Variants in ANKS1B observed in about 807,000 individuals in gnomAD.
ANKS1B encodes ankyrin repeat and sterile alpha motif domain-containing protein 1B.
Under a neutral mutation model 148.3 loss-of-function variants are expected in ANKS1B, and 36 were observed. The ratio of observed to expected loss-of-function variants is 0.24; its 90% CI spans 0.19 to 0.32. The LOEUF is 0.32. ANKS1B is among the 10% of genes least tolerant of loss of function. The probability of loss-of-function intolerance (pLI) is 1.00; values close to 1 mark genes in which losing one functional copy is unlikely to be tolerated. For missense variants in ANKS1B, 1,157 were observed against 1,542.6 expected (o/e 0.75, Z 4.19); for synonymous variants, 542 against 560.8 (o/e 0.97, Z 0.47).
At chr12:99,396,914 G>A (rs1009437715) in intron 12 of ANKS1B, among the ~76,000 whole-genome samples, 3 of 152,068 alleles carry the variant, frequency 2.0e-5, no homozygotes, top group Non-Finnish European at 4.4e-5. Flanking sequence ...AAGTATCAAA[G>A]CATCTGTCAT....
At chr12:99,844,192 G>T (rs889825095) in intron 1 of ANKS1B, among the ~76,000 whole-genome samples, 1 of 152,068 alleles carries the variant, frequency 6.6e-6, no homozygotes, top group Non-Finnish European at 1.5e-5. Context: ...CATTTTGAAG[G>T]TTGTCTGTTC....
chr12:99,832,940 C>T (rs1488059906), intron 1 of ANKS1B, among the ~76,000 whole-genome samples: 1 of 152,030 alleles, frequency 6.6e-6, no homozygotes, highest in African/African-American at 2.4e-5. Flanking sequence ...AAGTGAAAAA[C>T]GTAAATTGCA....
chr12:98,919,480 T>C (rs2099798582), intron 17 of ANKS1B, among the ~76,000 whole-genome samples: 1 of 152,164 alleles, frequency 6.6e-6, no homozygotes, highest in African/African-American at 2.4e-5. Context: ...GAAATTATGG[T>C]CACTGAATAA....
intron 8 of ANKS1B, among the ~76,000 whole-genome samples, chr12:99,732,109 C>T (rs1327448712): frequency 6.6e-6 from 1 of 152,110 alleles, no homozygotes; most frequent in African/African-American, 2.4e-5. Flanking sequence ...CATAGGATTG[C>T]ACTATTTACC....
intron 20 of ANKS1B, among the ~76,000 whole-genome samples, chr12:98,806,962 T>A (rs780377174): frequency 3.3e-4 from 50 of 152,100 alleles, no homozygotes; most frequent in Non-Finnish European, 5.1e-4. Flanking sequence ...TGATGCAGCA[T>A]CCCAAAAGGC....
Position 99,908,778 on chromosome 12 carries a change from A to G in ANKS1B, c.134+75326T>C, listed in dbSNP as rs559650749. Among the ~76,000 whole-genome samples, 14 of 152,322 alleles carry G rather than the reference A, an allele frequency of 9.2e-5. No individual in the cohort carries two copies. The South Asian group carries it at 2.9e-3, about 32-fold the overall frequency. ...GGTATACAACATGATGTTTTGTTAT[A>G]CATATACATAGTGAAATCATTATCA... is the stretch of plus-strand genomic sequence containing the variant. On this transcript the variant is annotated intron_variant, in intron 1 of 26. Coordinates refer to ENST00000683438, the MANE Select transcript of ANKS1B (RefSeq NM_001352186.2).
At chr12:99,314,446 C>T (rs1051294937) in intron 12 of ANKS1B, among the ~76,000 whole-genome samples, 31 of 152,114 alleles carry the variant, frequency 2.0e-4, no homozygotes, top group Non-Finnish European at 2.9e-4. Flanking sequence ...TCAAAGAAGA[C>T]CCCATATATC....
At chr12:99,646,386 C>T (rs979084927) in intron 9 of ANKS1B, among the ~76,000 whole-genome samples, 2 of 152,064 alleles carry the variant, frequency 1.3e-5, no homozygotes, top group Non-Finnish European at 1.5e-5. Context: ...GGGCTGGGCA[C>T]GGTGGCTCAC....
intron 15 of ANKS1B, among the ~76,000 whole-genome samples, chr12:99,125,789 G>A (rs890705536): frequency 6.6e-6 from 1 of 151,980 alleles, no homozygotes; most frequent in Non-Finnish European, 1.5e-5. Context: ...TAGCGTGGGT[G>A]GATAAGAAGA....
intron 10 of ANKS1B, among the ~76,000 whole-genome samples, chr12:99,481,817 T>C (rs548591944): frequency 6.6e-6 from 1 of 152,090 alleles, no homozygotes; most frequent in East Asian, 1.9e-4. Flanking sequence ...TATTTGTATA[T>C]CTCCTTTTGA....
intron 11 of ANKS1B, among the ~76,000 whole-genome samples, chr12:99,405,698 A>G (rs1166874551): frequency 1.4e-5 from 2 of 144,606 alleles, no homozygotes; most frequent in Admixed American, 1.4e-4. Context: ...TAATATCAAT[A>G]ATATTGAATA....
chr12:98,749,121 C>T (rs941809868), intron 26 of ANKS1B, among the ~76,000 whole-genome samples: 6 of 151,682 alleles, frequency 4.0e-5, no homozygotes, highest in Non-Finnish European at 5.9e-5. Context: ...TTTTTTGAGA[C>T]GGAGTCCTGC....
At chr12:98,779,984 T>C (rs965409587) in intron 24 of ANKS1B, among the ~76,000 whole-genome samples, 8 of 152,280 alleles carry the variant, frequency 5.3e-5, no homozygotes, top group Admixed American at 5.2e-4. Flanking sequence ...GGAACTTGGG[T>C]TTACCTAACT....
At chr12:99,378,266 T>C (rs1000457507) in intron 12 of ANKS1B, among the ~76,000 whole-genome samples, 4 of 152,160 alleles carry the variant, frequency 2.6e-5, no homozygotes, top group African/African-American at 9.7e-5. Context: ...TAAAGAGATT[T>C]GTGACTGTGG....
chr12:99,154,277 A>G lies in ANKS1B; in HGVS notation c.2526+12T>C. ...ACAAAAGGCAGCTCCGTGGACACAG[A>G]GAGCTTCTTACCATAAACTGCACAT... On this transcript the variant is annotated intron_variant, in intron 15 of 26. Coordinates refer to ENST00000683438, the MANE Select transcript of ANKS1B (RefSeq NM_001352186.2). 6.2e-7 allele frequency: 1 copy of G among 1,613,388 alleles called. No homozygotes were observed. Among genetic ancestry groups the G allele is most frequent in the Non-Finnish European group, 8.5e-7 (1 of 1,179,498 alleles).
intron 10 of ANKS1B, among the ~76,000 whole-genome samples, chr12:99,493,693 G>C (rs780537809): frequency 6.6e-6 from 1 of 152,178 alleles, no homozygotes; most frequent in Non-Finnish European, 1.5e-5. Context: ...CATTTACTGA[G>C]ATGAGAAATT....
At chr12:99,012,846 G>A (rs2099940244) in intron 17 of ANKS1B, among the ~76,000 whole-genome samples, 1 of 152,136 alleles carries the variant, frequency 6.6e-6, no homozygotes, top group Non-Finnish European at 1.5e-5. Flanking sequence ...TTGAGACTCT[G>A]TTAAGTATCA....
intron 17 of ANKS1B, among the ~76,000 whole-genome samples, chr12:98,978,481 TGTGTGTGTGTGC>T (rs1186286781): frequency 2.0e-5 from 3 of 151,992 alleles, no homozygotes; most frequent in African/African-American, 7.2e-5. Context: ...ATGTGCAAAC[TGTGTGTGTGTGC>T]GTGTGTGTGT....
chr12:99,528,572 A>C (rs1251478560), intron 9 of ANKS1B, among the ~76,000 whole-genome samples: 1 of 152,192 alleles, frequency 6.6e-6, no homozygotes, highest in African/African-American at 2.4e-5. Flanking sequence ...CAAGCAAAAA[A>C]ACCAAACAAC....
Sources: allele counts gnomAD v4.1 joint callset (sites outside exome capture counted in the v4.1 genomes callset), GRCh38; gene constraint gnomAD v4.1.1; transcripts MANE v1.5; gene names NCBI Gene and HGNC (gene_info 2026-07-23, HGNC 2026-07-21).